The following CNBD1 variants were observed in gnomAD, a reference collection of about 807,000 sequenced individuals.
CNBD1 encodes cyclic nucleotide-binding domain-containing protein 1.
A neutral mutation model predicts 54.4 loss-of-function variants in CNBD1; 71 were observed. The observed-to-expected ratio is 1.30, with a 90% confidence interval of 1.08 to 1.59. The LOEUF (loss-of-function observed/expected upper bound fraction) is 1.59, where lower values mean the gene tolerates loss of function less well. Among genes scored for constraint, CNBD1 ranks in the 40% most tolerant of loss-of-function variants. CNBD1 has a pLI of 0.00. For synonymous variants in CNBD1, 182 were observed against 170.7 expected (o/e 1.07, Z -0.51); for missense variants, 659 against 518.0 (o/e 1.27, Z -2.64).
chr8:87,017,546 A>G lies in CNBD1; in HGVS notation c.431+77792A>G, dbSNP rs138897284. Among the ~76,000 whole-genome samples, 847 of 152,306 alleles carry G rather than the reference A, an allele frequency of 5.6e-3. 17 individuals carry two copies. Among genetic ancestry groups the G allele is most frequent in the African/African-American group, 0.019 (807 of 41,578 alleles). ...TCCCAAAAAGTTCCATAATAAAATA[A>G]AAATGGTTTACATGAAATCTTGCTA... On this transcript the variant is annotated intron_variant, in intron 4 of 10. Coordinates refer to ENST00000518476, the MANE Select transcript of CNBD1 (RefSeq NM_173538.3).
At chr8:87,206,487 G>A (rs1235800067) in intron 5 of CNBD1, among the ~76,000 whole-genome samples, 1 of 152,096 alleles carries the variant, frequency 6.6e-6, no homozygotes, top group East Asian at 1.9e-4. Flanking sequence ...CTCAGGTGAT[G>A]CCACCAGTGC....
At chr8:87,160,404 A>G (rs1812831280) in intron 4 of CNBD1, among the ~76,000 whole-genome samples, 1 of 152,042 alleles carries the variant, frequency 6.6e-6, no homozygotes, top group Non-Finnish European at 1.5e-5. Context: ...GCCCATCAAC[A>G]CTATCTAAAA....
chr8:87,407,772 C>T (rs1010714801), intron 2 of CNBD1, among the ~76,000 whole-genome samples: 3 of 151,888 alleles, frequency 2.0e-5, no homozygotes, highest in Non-Finnish European at 4.4e-5. Flanking sequence ...TTTTAAAATA[C>T]ATGTATTTGT....
At chr8:86,968,292 A>T (rs1363561016) in intron 4 of CNBD1, among the ~76,000 whole-genome samples, 5 of 152,034 alleles carry the variant, frequency 3.3e-5, no homozygotes, top group Non-Finnish European at 7.4e-5. Context: ...TTTCTCCTAT[A>T]CTCATCATGA....
intron 3 of CNBD1, among the ~76,000 whole-genome samples, chr8:86,937,930 A>C (rs1443020516): frequency 6.6e-6 from 1 of 152,082 alleles, no homozygotes; most frequent in Non-Finnish European, 1.5e-5. Flanking sequence ...CAGGCTGCAA[A>C]TTTTCTGAAC....
intron 2 of CNBD1, among the ~76,000 whole-genome samples, chr8:87,395,399 T>C (rs1430514482): frequency 6.6e-6 from 1 of 151,928 alleles, no homozygotes; most frequent in Non-Finnish European, 1.5e-5. Flanking sequence ...TTGAGGAATA[T>C]AGCATATGTT....
chr8:87,293,474 C>T (rs1175034730), intron 8 of CNBD1, among the ~76,000 whole-genome samples: 1 of 152,088 alleles, frequency 6.6e-6, no homozygotes, highest in Non-Finnish European at 1.5e-5. Context: ...AACCAGGAGG[C>T]TGAGGTTGCA....
chr8:87,376,555 G>C (rs1382621013), intron 10 of CNBD1, among the ~76,000 whole-genome samples: 1 of 151,892 alleles, frequency 6.6e-6, no homozygotes, highest in Admixed American at 6.6e-5. Flanking sequence ...CCTGACAGAT[G>C]TGAAACCACA....
chr8:87,227,222 A>G (rs1215323952), intron 5 of CNBD1, among the ~76,000 whole-genome samples: 2 of 151,344 alleles, frequency 1.3e-5, no homozygotes, highest in African/African-American at 4.9e-5. Flanking sequence ...TTTTAATTGG[A>G]GCATTTAGTC....
At chr8:86,980,712 A>G (rs1054133407) in intron 4 of CNBD1, among the ~76,000 whole-genome samples, 6 of 152,224 alleles carry the variant, frequency 3.9e-5, no homozygotes, top group Non-Finnish European at 8.8e-5. Flanking sequence ...GATGTAGACT[A>G]ATAATAAAAG....
intron 4 of CNBD1, among the ~76,000 whole-genome samples, chr8:87,070,403 G>A (rs7814791): frequency 0.025 from 3,749 of 151,872 alleles, 162 homozygotes; most frequent in African/African-American, 0.086. Context: ...TAAAATACAC[G>A]GATTGTTAAT....
chr8:87,143,557 A>G (rs1205835158), intron 4 of CNBD1, among the ~76,000 whole-genome samples: 2 of 152,220 alleles, frequency 1.3e-5, no homozygotes, highest in African/African-American at 2.4e-5. Context: ...AAAATGTCAA[A>G]TGAGTATTAC....
At chr8:87,089,079 G>T (rs756628323) in intron 4 of CNBD1, among the ~76,000 whole-genome samples, 1 of 152,044 alleles carries the variant, frequency 6.6e-6, no homozygotes, top group Non-Finnish European at 1.5e-5. Context: ...TGATAAAAAA[G>T]AGAAACAAAA....
intron 4 of CNBD1, among the ~76,000 whole-genome samples, chr8:87,157,987 G>A (rs761238951): frequency 2.6e-5 from 4 of 151,990 alleles, no homozygotes; most frequent in Admixed American, 6.6e-5. Context: ...GCTCATATGA[G>A]TATGAGCAAG....
intron 6 of CNBD1, among the ~76,000 whole-genome samples, chr8:87,240,606 G>C (rs1475368598): frequency 5.3e-5 from 8 of 152,134 alleles, no homozygotes; most frequent in Non-Finnish European, 1.2e-4. Context: ...GAATCCAGCA[G>C]TGGGAAGAAT....
rs1223804182 is a variant in CNBD1 at position 87,326,963 on chromosome 8, G to C, written c.1043-24722G>C. Among the ~76,000 whole-genome samples the C allele has an allele frequency of 7.3e-3, 983 of 135,012 alleles. 2 individuals carry two copies. Among genetic ancestry groups the C allele is most frequent in the African/African-American group, 0.023 (832 of 35,806 alleles). The allele number at this position is 135,012 out of a possible 152,430, so 88.6% of individuals were successfully genotyped here. A position where few individuals can be genotyped will look rare whatever the true frequency, so the allele number is the denominator to read the frequency against. On this transcript the variant is annotated intron_variant, in intron 8 of 10. Transcript: ENST00000518476. The stretch of plus-strand genomic sequence containing the variant: ...TCTACTTTTGGTCTTTGATGATGGT[G>C]ATGTACAGATGGGTTTTTGGTGTGG...
intron 6 of CNBD1, 74 bp downstream of exon 6, chr8:87,237,186 C>A: frequency 2.5e-6 from 2 of 809,684 alleles, no homozygotes; most frequent in Non-Finnish European, 3.9e-6. Context: ...CTCTTCCAGA[C>A]ATTAAGATCC....
chr8:86,982,335 T>G (rs969097163), intron 4 of CNBD1, among the ~76,000 whole-genome samples: 7 of 152,232 alleles, frequency 4.6e-5, no homozygotes, highest in Non-Finnish European at 8.8e-5. Flanking sequence ...GCTTGTCTTT[T>G]TACTTCCTTG....
chr8:86,944,546 A>G (rs1807419497), intron 4 of CNBD1, among the ~76,000 whole-genome samples: 1 of 152,186 alleles, frequency 6.6e-6, no homozygotes. Context: ...AGGGAAAGAA[A>G]ACACAAGTGC....
Sources: gnomAD v4.1 joint callset for allele counts (sites outside exome capture counted in the v4.1 genomes callset) on GRCh38, gnomAD v4.1.1 for gene constraint, MANE v1.5 for transcripts, NCBI Gene and HGNC (gene_info 2026-07-23, HGNC 2026-07-21) for gene names.